B4GALT2: variants seen among roughly 807,000 people sequenced by gnomAD.
B4GALT2 encodes the protein N-acetyllactosamine synthase.
Under a neutral mutation model 33.2 loss-of-function variants are expected in B4GALT2, and 18 were observed. That is an observed-to-expected ratio of 0.54 (90% CI 0.38 to 0.80). The LOEUF (loss-of-function observed/expected upper bound fraction) is 0.80. Ranked by LOEUF, B4GALT2 falls within the 30% of genes least tolerant of loss-of-function variation. The pLI, the probability that B4GALT2 is intolerant of heterozygous loss-of-function variation, is 0.00. For synonymous variants in B4GALT2, 214 were observed against 217.6 expected, an observed-to-expected ratio of 0.98 and a Z score of 0.15; for missense variants, 404 against 526.2, an observed-to-expected ratio of 0.77 and a Z score of 2.27.
chr1:43,981,808 G>A lies in B4GALT2; in HGVS notation c.433G>A (p.Val145Met). The part of the protein sequence containing the change: ...TPPDCTPAQT[V>M]AVIIPFRHRE... ...GCCCGACTGCACCCCAGCCCAGACG[G>A]TGGCGGTCATCATCCCCTTTAGACA... The change falls in exon 3 of 7, where the codon GTG (valine) becomes ATG (methionine). Residue 145 changes from valine to methionine, a missense_variant. Val to Met is a conservative substitution (Grantham distance 21). Coordinates refer to ENST00000372324, the MANE Select transcript of B4GALT2 (RefSeq NM_003780.5). The surrounding 1 kb of genome is among the most constrained non-coding windows in gnomAD (Gnocchi z 8.1). 6.2e-7 allele frequency: 1 copy of A among 1,613,860 alleles called. No individual in the cohort carries two copies. Among genetic ancestry groups the A allele is most frequent in the Non-Finnish European group, 8.5e-7 (1 of 1,180,028 alleles).
At chr1:43,987,080 A>C (rs903111038) in intron 6 of B4GALT2, among the ~76,000 whole-genome samples, 3 of 152,058 alleles carry the variant, frequency 2.0e-5, no homozygotes, top group Non-Finnish European at 2.9e-5. Flanking sequence ...TCTGATGAAA[A>C]CTATGGTCAG....
chr1:43,982,134 G>A lies in B4GALT2; in HGVS notation c.549+210G>A, dbSNP rs1249863655. On this transcript the variant is annotated intron_variant, in intron 3 of 6. Transcript: ENST00000372324. This position sits in a 1 kb window ranked among gnomAD's most constrained non-coding sequence, Gnocchi z 4.3. The stretch of plus-strand genomic sequence containing the variant: ...TGTGTGCATGGTCTCAGAAGGGGTT[G>A]AGCCCCACTCTCTACCCTTGGCAGG... Among the ~76,000 whole-genome samples the A allele has an allele frequency of 6.6e-6, 1 of 152,218 alleles. No homozygotes were observed. The highest frequency in any genetic ancestry group is 6.5e-5 in the Admixed American group (1 of 15,290).
Position 43,985,335 on chromosome 1 carries a change from G to C in B4GALT2, c.798G>C (p.Leu266=). The part of the protein sequence containing the change: ...GVSGLSKAQF[L]RINGFPNEYW... ...CAGGCCTGAGTAAGGCTCAGTTTCTGAGAATCAATGGCTTCCCCAATGAGT... is the reference window on the plus strand; with the variant it reads ...CAGGCCTGAGTAAGGCTCAGTTTCTCAGAATCAATGGCTTCCCCAATGAGT... The change falls in exon 5 of 7, where the codon CTG becomes CTC. Residue 266 remains leucine, a synonymous_variant. Coordinates refer to ENST00000372324, the MANE Select transcript of B4GALT2 (RefSeq NM_003780.5). The C allele has an allele frequency of 6.2e-7, 1 of 1,611,680 alleles. No individual in the cohort carries two copies. The highest frequency in any genetic ancestry group is 1.7e-5 in the Admixed American group (1 of 59,738).
intron 6 of B4GALT2, 99 bp downstream of exon 6, chr1:43,985,720 G>T: frequency 8.8e-7 from 1 of 1,132,570 alleles, no homozygotes; most frequent in South Asian, 1.3e-5. Flanking sequence ...CCCAGTGGGG[G>T]ACCTCCAAGC....
At chr1:43,980,491 A>G in intron 1 of B4GALT2, 1 of 985,118 alleles carries the variant, frequency 1.0e-6, no homozygotes, top group Non-Finnish European at 1.2e-6. Context: ...GCTGAGGGCA[A>G]CTTCCCAGCC....
Position 43,981,105 on chromosome 1 carries a change from T to A in B4GALT2, c.-52-4T>A, listed in dbSNP as rs759733436. 2.4e-5 allele frequency: 38 copies of A among 1,573,824 alleles called. No individual in the cohort carries two copies. The African/African-American group carries it at 5.0e-4, about 21-fold the overall frequency. On this transcript the variant is annotated splice_region_variant and splice_polypyrimidine_tract_variant and intron_variant, in intron 1 of 6. Transcript: ENST00000372324. This position sits in a 1 kb window ranked among gnomAD's most constrained non-coding sequence, Gnocchi z 8.1. ...TGGATCTGTTTCCCTCCCACCCTGC[T>A]CAGGCCAGCAGCCGGATGCCCGGGC...
chr1:43,981,420 C>T lies in B4GALT2; in HGVS notation c.260C>T (p.Pro87Leu). 1.3e-6 allele frequency: 2 copies of T among 1,595,282 alleles called. No individual in the cohort carries two copies. The highest frequency in any genetic ancestry group is 2.2e-5 in the South Asian group (2 of 90,952). ...SGLPEVPSAL[P>L]GPTAPTLPPC... ...CTCCCTGAGGTCCCCAGTGCCCTGC[C>T]CGGTCCCACGGCTCCCACGCTGCCA... is the stretch of plus-strand genomic sequence containing the variant. The change falls in exon 2 of 7, where the codon CCC becomes CTC. Residue 87 changes from proline to leucine, a missense_variant. By Grantham distance (98) the Pro-to-Leu change is moderately conservative. Coordinates refer to ENST00000372324, the MANE Select transcript of B4GALT2 (RefSeq NM_003780.5). This position sits in a 1 kb window ranked among gnomAD's most constrained non-coding sequence, Gnocchi z 8.1.
Position 43,990,557 on chromosome 1 carries a change from G to A in B4GALT2, c.*109G>A. ...ACCTCCAGGACTGAGACTGGGCTCT[G>A]TTTTCCAAGGGTCTTCACTAGGCCC... On this transcript the variant is annotated 3_prime_UTR_variant, in exon 7 of 7. Transcript: ENST00000372324. 1 of 1,470,862 alleles carries A rather than the reference G, an allele frequency of 6.8e-7. No homozygotes were observed. The highest frequency in any genetic ancestry group is 1.2e-5 in the South Asian group (1 of 82,150). The allele number at this position is 1,470,862 out of a possible 1,614,324, so 91.1% of individuals were successfully genotyped here.
intron 6 of B4GALT2, 98 bp from the exon 7 acceptor site, chr1:43,990,200 G>A (rs1254516559): frequency 2.0e-6 from 3 of 1,488,362 alleles, no homozygotes; most frequent in African/African-American, 2.8e-5. Flanking sequence ...GGGTCCCCTT[G>A]GCCAAAAGGG....
chr1:43,989,750 G>C (rs2085703689), intron 6 of B4GALT2, among the ~76,000 whole-genome samples: 1 of 152,230 alleles, frequency 6.6e-6, no homozygotes, highest in Admixed American at 6.5e-5. Context: ...ACTGAGATCA[G>C]TCTCTTGTCC....
chr1:43,982,475 C>T lies in B4GALT2; in HGVS notation c.549+551C>T, dbSNP rs1419958110. ...CACAAGTGGAGGTGGAGCAGGGGGC[C>T]GTGGGAGCACAGAGGGCCCCAGTCC... On this transcript the variant is annotated intron_variant, in intron 3 of 6. Coordinates refer to ENST00000372324, the MANE Select transcript of B4GALT2 (RefSeq NM_003780.5). This position sits in a 1 kb window ranked among gnomAD's most constrained non-coding sequence, Gnocchi z 4.3. Among the ~76,000 whole-genome samples the T allele has an allele frequency of 6.6e-6, 1 of 151,992 alleles. No individual in the cohort carries two copies. The highest frequency in any genetic ancestry group is 1.5e-5 in the Non-Finnish European group (1 of 67,996).
intron 6 of B4GALT2, 107 bp from the exon 7 acceptor site, chr1:43,990,191 G>A: frequency 7.1e-7 from 1 of 1,408,910 alleles, no homozygotes; most frequent in East Asian, 2.3e-5. Context: ...GGTTCCCTGG[G>A]GTCCCCTTGG....
Position 43,981,069 on chromosome 1 carries a change from C to A in B4GALT2, c.-52-40C>A. ...TAGGTGGGCAGCCTTGCCTGTCCTG[C>A]CCTGACCTGCTGGATCTGTTTCCCT... On this transcript the variant is annotated intron_variant, in intron 1 of 6. Transcript: ENST00000372324. The surrounding 1 kb of genome is among the most constrained non-coding windows in gnomAD (Gnocchi z 8.1). 6.6e-7 allele frequency: 1 copy of A among 1,507,962 alleles called. No individual in the cohort carries two copies. The allele number at this position is 1,507,962 out of a possible 1,614,324, so 93.4% of individuals were successfully genotyped here.
At chr1:43,988,034 A>G (rs1319727458) in intron 6 of B4GALT2, among the ~76,000 whole-genome samples, 8 of 152,306 alleles carry the variant, frequency 5.3e-5, no homozygotes, top group African/African-American at 1.9e-4. Flanking sequence ...CCCACCTGTC[A>G]TGGCCATGGC....
chr1:43,988,844 C>A (rs1171193635), intron 6 of B4GALT2, among the ~76,000 whole-genome samples: 3 of 72,702 alleles, frequency 4.1e-5, no homozygotes, highest in African/African-American at 1.1e-4. Flanking sequence ...AAGACTCTGT[C>A]TCAAAAAAAA....
In B4GALT2 at chr1:43,987,725, C is replaced by G. The variant is rs200510124; in HGVS notation, c.968+2104C>G. Among the ~76,000 whole-genome samples the G allele has an allele frequency of 9.8e-5, 15 of 152,302 alleles. No individual in the cohort carries two copies. The East Asian group carries it at 2.1e-3, about 22-fold the overall frequency. ...TCTCAGAGCCTTTACACATTTCATTCTGTGAGAATGAAAACATGAGCTGCT... is the reference window on the plus strand; with the variant it reads ...TCTCAGAGCCTTTACACATTTCATTGTGTGAGAATGAAAACATGAGCTGCT... On this transcript the variant is annotated intron_variant, in intron 6 of 6. Transcript: ENST00000372324.
chr1:43,987,912 C>T (rs2085677009), intron 6 of B4GALT2, among the ~76,000 whole-genome samples: 2 of 152,182 alleles, frequency 1.3e-5, no homozygotes, highest in South Asian at 4.1e-4. Context: ...GAGTGCTTTG[C>T]CCCTGCCCTT....
chr1:43,990,386 C>T lies in B4GALT2; in HGVS notation c.1057C>T (p.Pro353Ser), dbSNP rs2085716069. Residue 353 changes from proline to serine, a missense_variant, in exon 7 of 7, where the codon CCA becomes TCA. Transcript: ENST00000372324. Reference sequence around the variant, plus strand: ...CCAGGTCTTGGAGGTGTCTCGGCAACCACTCTTCACCAATATCACAGTGGA... The same window carrying T: ...CCAGGTCTTGGAGGTGTCTCGGCAATCACTCTTCACCAATATCACAGTGGA... ...RYQVLEVSRQPLFTNITVDIG... is the reference protein window; with the variant it reads ...RYQVLEVSRQSLFTNITVDIG... 6.2e-7 allele frequency: 1 copy of T among 1,614,046 alleles called. No individual in the cohort carries two copies. The highest frequency in any genetic ancestry group is 8.5e-7 in the Non-Finnish European group (1 of 1,180,046).
rs993875749 is a variant in B4GALT2, at chr1:43,979,671, A to T, written c.-53+160A>T. On this transcript the variant is annotated intron_variant, in intron 1 of 6. Transcript: ENST00000372324. This position sits in a 1 kb window ranked among gnomAD's most constrained non-coding sequence, Gnocchi z 4.8. ...GCCTGGCTGCCCCCACCCCGCCCCC[A>T]CTCCGGCGCCCCTCCTGGGCTTCTC... is the stretch of plus-strand genomic sequence containing the variant. The T allele has an allele frequency of 5.2e-6, 1 of 192,358 alleles. No homozygotes were observed. The highest frequency in any genetic ancestry group is 6.6e-5 in the Admixed American group (1 of 15,208). The allele number at this position is 192,358 out of a possible 1,614,324, so 11.9% of individuals were successfully genotyped here. A position where few individuals can be genotyped will look rare whatever the true frequency, so the allele number is the denominator to read the frequency against.
Sources: allele counts gnomAD v4.1 joint callset (sites outside exome capture counted in the v4.1 genomes callset), GRCh38; gene constraint gnomAD v4.1.1; non-coding constraint Gnocchi (gnomAD v3.1); transcripts MANE v1.5; gene names NCBI Gene and HGNC (gene_info 2026-07-23, HGNC 2026-07-21).